PROSER2: variants seen among roughly 807,000 people sequenced by gnomAD.
PROSER2 encodes the protein proline and serine rich 2.
In PROSER2, 18 loss-of-function variants were observed where a neutral mutation model predicts 14.6. That is an observed-to-expected ratio of 1.23 (90% CI 0.85 to 1.83). The LOEUF (loss-of-function observed/expected upper bound fraction) is 1.83. PROSER2 is among the 40% of genes most tolerant of loss of function. PROSER2 has a pLI of 0.00. For synonymous variants in PROSER2, 367 were observed against 286.4 expected (o/e 1.28, Z -2.84); for missense variants, 823 against 629.8 (o/e 1.31, Z -3.28).
chr10:11,854,602 T>C (rs927418458), intron 2 of PROSER2, among the ~76,000 whole-genome samples: 18 of 143,778 alleles, frequency 1.3e-4, no homozygotes, highest in Admixed American at 3.7e-4. Flanking sequence ...TGAGCCACCA[T>C]GCCCAGCCTG....
At chr10:11,824,097 T>C (rs1387097226) in intron 1 of PROSER2, among the ~76,000 whole-genome samples, 1 of 152,242 alleles carries the variant, frequency 6.6e-6, no homozygotes, top group Non-Finnish European at 1.5e-5. Context: ...CAGTATTGTT[T>C]TACGGAGTCT....
intron 3 of PROSER2, among the ~76,000 whole-genome samples, chr10:11,867,834 T>C (rs942764329): frequency 6.6e-5 from 10 of 152,208 alleles, no homozygotes; most frequent in Non-Finnish European, 1.2e-4. Flanking sequence ...GAGAAATATC[T>C]TCCAGTTTTT....
chr10:11,845,080 G>A (rs535361923), intron 1 of PROSER2, among the ~76,000 whole-genome samples: 7 of 152,018 alleles, frequency 4.6e-5, no homozygotes, highest in South Asian at 4.2e-4. Context: ...AAGTAATCAC[G>A]ACTTTTGCCA....
At chr10:11,833,235 C>CTTTTTTTGTTTTTT (rs1833711723) in intron 1 of PROSER2, among the ~76,000 whole-genome samples, 1 of 87,668 alleles carries the variant, frequency 1.1e-5, no homozygotes, top group East Asian at 5.2e-4. Context: ...AATGTTGTGG[C>CTTTTTTTGTTTTTT]TTTTTTTTTT....
At position 11,837,914 on chromosome 10, in the gene PROSER2, C is replaced by A. The variant is rs764945352; in HGVS notation, c.-81-14083C>A. Among the ~76,000 whole-genome samples the A allele has an allele frequency of 9.9e-5, 15 of 151,744 alleles. No individual in the cohort carries two copies. Among genetic ancestry groups the A allele is most frequent in the Non-Finnish European group, 1.9e-4 (13 of 68,000 alleles). Reference sequence around the variant, plus strand: ...GGTTTTTCCTCTTCCTGTTCGTACACCCTTGCGGTCTTCGGACTTCCCTCC... The same window carrying A: ...GGTTTTTCCTCTTCCTGTTCGTACAACCTTGCGGTCTTCGGACTTCCCTCC... On this transcript the variant is annotated intron_variant, in intron 1 of 3. Transcript: ENST00000277570. The surrounding 1 kb of genome is among the most constrained non-coding windows in gnomAD (Gnocchi z 4.6).
intron 2 of PROSER2, among the ~76,000 whole-genome samples, chr10:11,860,202 A>G (rs1382404751): frequency 6.6e-6 from 1 of 152,230 alleles, no homozygotes; most frequent in African/African-American, 2.4e-5. Context: ...TGCTTGGGAT[A>G]CACACCAGGT....
intron 2 of PROSER2, among the ~76,000 whole-genome samples, chr10:11,858,966 A>G (rs1431840860): frequency 7.1e-6 from 1 of 140,104 alleles, no homozygotes; most frequent in African/African-American, 2.7e-5. Context: ...CCGAGATTGT[A>G]TGACTGCACT....
chr10:11,847,180 T>TG (rs1833935110), intron 1 of PROSER2, among the ~76,000 whole-genome samples: 2 of 148,594 alleles, frequency 1.3e-5, no homozygotes, highest in Admixed American at 1.3e-4. Flanking sequence ...TATATATATA[T>TG]ATATGAATCC....
At chr10:11,834,242 C>A (rs1296732044) in intron 1 of PROSER2, among the ~76,000 whole-genome samples, 1 of 148,462 alleles carries the variant, frequency 6.7e-6, no homozygotes, top group Non-Finnish European at 1.5e-5. Flanking sequence ...ACTTACCCAC[C>A]TCGGCCTCCC....
At chr10:11,834,459 G>T (rs2131050518) in intron 1 of PROSER2, among the ~76,000 whole-genome samples, 1 of 152,156 alleles carries the variant, frequency 6.6e-6, no homozygotes, top group Admixed American at 6.5e-5. Flanking sequence ...ACCTGGCAGG[G>T]CGTGGTGGCT....
chr10:11,857,581 C>T (rs1031078102), intron 2 of PROSER2, among the ~76,000 whole-genome samples: 19 of 151,906 alleles, frequency 1.3e-4, no homozygotes, highest in Non-Finnish European at 2.4e-4. Flanking sequence ...TCCGTCTCTA[C>T]GAAAAATACA....
At chr10:11,863,589 A>T (rs1339972099) in intron 2 of PROSER2, among the ~76,000 whole-genome samples, 1 of 151,984 alleles carries the variant, frequency 6.6e-6, no homozygotes, top group East Asian at 1.9e-4. Context: ...CACTCATAGC[A>T]TTATAGAGTC....
intron 1 of PROSER2, among the ~76,000 whole-genome samples, chr10:11,845,400 G>A (rs958735966): frequency 9.9e-5 from 15 of 152,164 alleles, no homozygotes; most frequent in Non-Finnish European, 1.6e-4. Context: ...TGGTTTCATT[G>A]TGATTGTCTA....
intron 1 of PROSER2, chr10:11,851,586 A>G (rs1234562396): frequency 2.0e-5 from 3 of 152,202 alleles, no homozygotes; most frequent in African/African-American, 7.2e-5. Context: ...TTATTCTGTC[A>G]TATTTCCAGC....
Position 11,870,052 on chromosome 10 carries a change from TGGCCGG to T in PROSER2, c.959_964del (p.Arg320_Gly321del). On this transcript the variant is annotated inframe_deletion, in exon 4 of 4. Transcript: ENST00000277570. ...GCTCCTCCCCGGAGCGGGTGGCGCG[TGGCCGG>T]GGCCTGCCGGGCCCCGCTGAGAGTC... 8.1e-7 allele frequency: 1 copy of T among 1,236,450 alleles called. No homozygotes were observed. The highest frequency in any genetic ancestry group is 1.0e-6 in the Non-Finnish European group (1 of 990,466). The allele number at this position is 1,236,450 out of a possible 1,614,324, so 76.6% of individuals were successfully genotyped here.
chr10:11,870,392 A>C lies in PROSER2; in HGVS notation c.1294A>C (p.Arg432=). The C allele has an allele frequency of 6.7e-7, 1 of 1,502,882 alleles. No individual in the cohort carries two copies. Among genetic ancestry groups the C allele is most frequent in the Non-Finnish European group, 8.9e-7 (1 of 1,128,170 alleles). The allele number at this position is 1,502,882 out of a possible 1,614,324, so 93.1% of individuals were successfully genotyped here. The part of the protein sequence containing the change: ...REALRKLGLL[R]ESS Reference sequence around the variant, plus strand: ...GGCCCTGCGGAAGCTGGGGCTGCTCAGGGAGAGTTCGTGAGGGCCGCGCGG... The same window carrying C: ...GGCCCTGCGGAAGCTGGGGCTGCTCCGGGAGAGTTCGTGAGGGCCGCGCGG... The change falls in exon 4 of 4, where the codon AGG becomes CGG. Residue 432 remains arginine (R), a synonymous_variant. Coordinates refer to ENST00000277570, the MANE Select transcript of PROSER2 (RefSeq NM_153256.4).
intron 3 of PROSER2, among the ~76,000 whole-genome samples, chr10:11,867,677 G>A (rs980268653): frequency 1.6e-4 from 24 of 152,180 alleles, no homozygotes; most frequent in African/African-American, 4.3e-4. Context: ...GGTGGAGCTC[G>A]GTAATGCGAG....
At chr10:11,825,135 A>G (rs1293875513) in intron 1 of PROSER2, among the ~76,000 whole-genome samples, 1 of 152,212 alleles carries the variant, frequency 6.6e-6, no homozygotes, top group Non-Finnish European at 1.5e-5. Flanking sequence ...CAGAGTTGGC[A>G]CTGTGTGTTG....
intron 1 of PROSER2, among the ~76,000 whole-genome samples, chr10:11,831,323 C>T (rs1027448928): frequency 5.3e-5 from 8 of 152,126 alleles, no homozygotes; most frequent in African/African-American, 1.9e-4. Flanking sequence ...ATTAGTGAAG[C>T]ACATATTGGG....
Sources: allele counts gnomAD v4.1 joint callset (sites outside exome capture counted in the v4.1 genomes callset), GRCh38; gene constraint gnomAD v4.1.1; non-coding constraint Gnocchi (gnomAD v3.1); transcripts MANE v1.5; gene names NCBI Gene and HGNC (gene_info 2026-07-23, HGNC 2026-07-21).